The following ADAM23 variants were observed in gnomAD, a reference collection of about 807,000 sequenced individuals.
ADAM23 encodes the protein ADAM metallopeptidase domain 23.
ADAM23 carries 33 observed loss-of-function variants against 120.1 expected under a neutral mutation model. The observed-to-expected ratio is 0.27, with a 90% CI of 0.21 to 0.37. ADAM23 has a LOEUF of 0.37. Among genes scored for constraint, ADAM23 ranks in the 10% least tolerant of loss-of-function variants. The pLI, the probability that ADAM23 is intolerant of heterozygous loss-of-function variation, is 1.00. For synonymous variants in ADAM23, 367 were observed against 375.2 expected (o/e 0.98, Z 0.25); for missense variants, 862 against 1,058.2 (o/e 0.81, Z 2.57).
intron 3 of ADAM23, among the ~76,000 whole-genome samples, chr2:206,506,713 C>T (rs950179426): frequency 1.3e-5 from 2 of 152,126 alleles, no homozygotes; most frequent in Non-Finnish European, 2.9e-5. Context: ...GATGTTTGCT[C>T]TCTGAAGGGT....
At chr2:206,593,960 A>C (rs1428913376) in intron 22 of ADAM23, among the ~76,000 whole-genome samples, 1 of 151,352 alleles carries the variant, frequency 6.6e-6, no homozygotes, top group Non-Finnish European at 1.5e-5. Context: ...CTAAACATAG[A>C]AAAGTCATAC....
intron 3 of ADAM23, among the ~76,000 whole-genome samples, chr2:206,490,683 T>C (rs1367427159): frequency 6.6e-6 from 1 of 152,208 alleles, no homozygotes; most frequent in African/African-American, 2.4e-5. Flanking sequence ...CTGGTAGGAA[T>C]GAGTTGCTAT....
chr2:206,605,641 G>T lies in ADAM23; in HGVS notation c.2360-4269G>T, dbSNP rs550606872. 1.0e-4 allele frequency: 65 copies of T among 629,644 alleles called. 1 individual carries two copies. In the South Asian group the frequency reaches 1.1e-3, roughly 11 times the overall value. The allele number at this position is 629,644 out of a possible 1,614,324, so 39.0% of individuals were successfully genotyped here. A position where few individuals can be genotyped will look rare whatever the true frequency, so the allele number is the denominator to read the frequency against. On this transcript the variant is annotated intron_variant, in intron 24 of 25. Coordinates refer to ENST00000264377, the MANE Select transcript of ADAM23 (RefSeq NM_003812.4). ...AGTTATCCTCAAATATCTTCAATGT[G>T]TATGTAGATCTTAATTTCAAATCTT...
chr2:206,559,136 G>A (rs577560833), intron 10 of ADAM23, among the ~76,000 whole-genome samples: 1 of 152,196 alleles, frequency 6.6e-6, no homozygotes, highest in African/African-American at 2.4e-5. Context: ...AGTAGAGACG[G>A]GGTTTCACCG....
At chr2:206,545,624 T>G (rs903723866) in intron 6 of ADAM23, among the ~76,000 whole-genome samples, 1 of 152,190 alleles carries the variant, frequency 6.6e-6, no homozygotes, top group Non-Finnish European at 1.5e-5. Context: ...ATTTCAAAGT[T>G]GATGCAGAAA....
intron 2 of ADAM23, among the ~76,000 whole-genome samples, chr2:206,473,626 T>C (rs933911079): frequency 6.8e-6 from 1 of 148,092 alleles, no homozygotes; most frequent in African/African-American, 2.5e-5. Flanking sequence ...ACAATAACGA[T>C]TCTTATTTAA....
At chr2:206,542,482 G>T (rs1000995977) in intron 5 of ADAM23, among the ~76,000 whole-genome samples, 2 of 152,178 alleles carry the variant, frequency 1.3e-5, no homozygotes, top group African/African-American at 4.8e-5. Context: ...TTGAGAGTCA[G>T]TAGGCCTTAG....
intron 24 of ADAM23, among the ~76,000 whole-genome samples, chr2:206,599,007 C>A (rs891277097): frequency 3.4e-4 from 52 of 151,806 alleles, no homozygotes; most frequent in African/African-American, 1.2e-3. Flanking sequence ...GAGTTTGAGA[C>A]CAGCCTGGCC....
At chr2:206,514,407 G>C (rs564410077) in intron 3 of ADAM23, among the ~76,000 whole-genome samples, 1 of 152,170 alleles carries the variant, frequency 6.6e-6, no homozygotes, top group African/African-American at 2.4e-5. Context: ...CACTGCAGAC[G>C]TGGTAGAAAG....
intron 13 of ADAM23, among the ~76,000 whole-genome samples, chr2:206,562,961 G>C (rs2081289): frequency 6.6e-6 from 1 of 152,088 alleles, no homozygotes; most frequent in Non-Finnish European, 1.5e-5. Flanking sequence ...AGACAGGGCT[G>C]ATTTTCTAGT....
chr2:206,462,733 A>G (rs1363573981), intron 2 of ADAM23, among the ~76,000 whole-genome samples: 1 of 152,044 alleles, frequency 6.6e-6, no homozygotes, highest in East Asian at 1.9e-4. Flanking sequence ...ATGGTGAGGG[A>G]TGGAGAGACA....
At chr2:206,596,743 G>A (rs1698533497) in intron 24 of ADAM23, among the ~76,000 whole-genome samples, 1 of 151,994 alleles carries the variant, frequency 6.6e-6, no homozygotes, top group Admixed American at 6.6e-5. Flanking sequence ...GGGCCACCTA[G>A]GACCACTCTC....
intron 24 of ADAM23, among the ~76,000 whole-genome samples, chr2:206,604,521 CG>C (rs1698696997): frequency 6.6e-6 from 1 of 151,772 alleles, no homozygotes; most frequent in African/African-American, 2.4e-5. Context: ...TCAACACTCT[CG>C]GGGGACTTTT....
chr2:206,456,486 T>G (rs909978127), intron 2 of ADAM23, among the ~76,000 whole-genome samples: 1 of 152,104 alleles, frequency 6.6e-6, no homozygotes, highest in African/African-American at 2.4e-5. Flanking sequence ...TCCGTCCCCA[T>G]GATCCAGTCA....
intron 3 of ADAM23, among the ~76,000 whole-genome samples, chr2:206,491,750 C>T (rs12470462): frequency 0.083 from 12,647 of 152,150 alleles, 656 homozygotes; most frequent in Admixed American, 0.13. Flanking sequence ...TTATCTGATA[C>T]AAGAATTTTA....
intron 2 of ADAM23, among the ~76,000 whole-genome samples, chr2:206,459,469 T>C (rs550282298): frequency 1.3e-5 from 2 of 152,202 alleles, no homozygotes; most frequent in Non-Finnish European, 2.9e-5. Context: ...CTTAAATTTG[T>C]TTTTCCATTT....
rs1695005497 is a variant in ADAM23 at position 206,443,676 on chromosome 2, G to C, written c.-191G>C. ...CGTCCCGCCCCGGGAGTGGCTGCGA[G>C]GCTAGGCGAGCCGGGAAAGGGGGCG... On this transcript the variant is annotated 5_prime_UTR_variant, in exon 1 of 26. Transcript: ENST00000264377. 3 of 158,560 alleles carry C rather than the reference G, an allele frequency of 1.9e-5. No homozygotes were observed. Among genetic ancestry groups the C allele is most frequent in the African/African-American group, 4.9e-5 (2 of 41,148 alleles). 9.8% of individuals were successfully genotyped at this position (158,560 alleles called of 1,614,324 possible).
intron 10 of ADAM23, among the ~76,000 whole-genome samples, chr2:206,559,378 T>C (rs543126443): frequency 6.6e-6 from 1 of 152,310 alleles, no homozygotes; most frequent in South Asian, 2.1e-4. Flanking sequence ...ATATTGTGGG[T>C]GATGCCACCC....
intron 3 of ADAM23, among the ~76,000 whole-genome samples, chr2:206,501,276 G>A (rs777801801): frequency 2.8e-4 from 42 of 152,072 alleles, no homozygotes; most frequent in Admixed American, 3.9e-4. Flanking sequence ...CTCTTCTGGT[G>A]TATTCCTGAA....
Sources: gnomAD v4.1 joint callset for allele counts (sites outside exome capture counted in the v4.1 genomes callset) on GRCh38, gnomAD v4.1.1 for gene constraint, MANE v1.5 for transcripts, NCBI Gene and HGNC (gene_info 2026-07-23, HGNC 2026-07-21) for gene names.